Variants in NIPAL1 observed in about 807,000 individuals in gnomAD.
The protein encoded by NIPAL1 is magnesium transporter NIPA3.
A neutral mutation model predicts 37.7 loss-of-function variants in NIPAL1; 35 were observed. That is an observed-to-expected ratio of 0.93 (90% CI 0.71 to 1.23). The LOEUF (loss-of-function observed/expected upper bound fraction) is 1.23, where lower values mean the gene tolerates loss of function less well. Ranked by LOEUF, NIPAL1 falls within the 50% of genes most tolerant of loss-of-function variation. The pLI, the probability that NIPAL1 is intolerant of heterozygous loss-of-function variation, is 0.00. For missense variants in NIPAL1, 412 were observed against 473.9 expected (o/e 0.87, Z 1.21); for synonymous variants, 162 against 183.0 (o/e 0.89, Z 0.93).
At chr4:48,020,937 A>C (rs2109365301) in intron 1 of NIPAL1, among the ~76,000 whole-genome samples, 1 of 152,314 alleles carries the variant, frequency 6.6e-6, no homozygotes, top group African/African-American at 2.4e-5. Flanking sequence ...AAACTGGATA[A>C]TTTAAATTAT....
chr4:48,033,677 A>C (rs1259285796), intron 4 of NIPAL1, among the ~76,000 whole-genome samples: 2 of 152,202 alleles, frequency 1.3e-5, no homozygotes, highest in Admixed American at 1.3e-4. Context: ...GGAAACAGGA[A>C]TAATTTTCCT....
chr4:48,026,678 A>G (rs1487323337), intron 2 of NIPAL1, among the ~76,000 whole-genome samples: 1 of 152,158 alleles, frequency 6.6e-6, no homozygotes, highest in Non-Finnish European at 1.5e-5. Flanking sequence ...ACCATTCAGC[A>G]AAATACATTC....
intron 2 of NIPAL1, among the ~76,000 whole-genome samples, chr4:48,025,707 T>C (rs778110292): frequency 1.3e-5 from 2 of 152,176 alleles, no homozygotes; most frequent in Non-Finnish European, 2.9e-5. Context: ...AGAACACATG[T>C]ACAACTAAGA....
chr4:48,033,117 G>A, intron 4 of NIPAL1, 34 bp downstream of exon 4: 1 of 1,315,702 alleles, frequency 7.6e-7, no homozygotes, highest in South Asian at 1.2e-5. Flanking sequence ...GCTTCTGTAG[G>A]TATTTTAAGA....
In NIPAL1 at chr4:48,039,034, G is replaced by A. The variant is rs971235529; in HGVS notation, c.*2862G>A. 6 of 151,700 alleles carry A rather than the reference G, an allele frequency of 4.0e-5. No homozygotes were observed. Among genetic ancestry groups the A allele is most frequent in the African/African-American group, 1.2e-4 (5 of 41,180 alleles). The allele number at this position is 151,700 out of a possible 1,614,324, so 9.4% of individuals were successfully genotyped here. ...ATGCACATGCATTAAAAAAAAAAAT[G>A]TTGTTGCAAATCTAACACTAAAAAA... is the stretch of plus-strand genomic sequence containing the variant. On this transcript the variant is annotated 3_prime_UTR_variant, in exon 6 of 6. Coordinates refer to ENST00000295461, the MANE Select transcript of NIPAL1 (RefSeq NM_207330.3).
intron 1 of NIPAL1, 35 bp downstream of exon 1, chr4:48,016,920 C>T: frequency 6.4e-7 from 1 of 1,574,356 alleles, no homozygotes; most frequent in Non-Finnish European, 8.6e-7. Context: ...GACCTGGCAG[C>T]TGGGTGGCGA....
rs191248666 is a variant in NIPAL1 at position 48,017,615 on chromosome 4, C to T, written c.46+730C>T. 6.2e-3 allele frequency among the ~76,000 whole-genome samples: 950 copies of T among 152,302 alleles called. 2 individuals carry two copies. The highest frequency in any genetic ancestry group is 9.2e-3 in the Non-Finnish European group (627 of 68,028). The stretch of plus-strand genomic sequence containing the variant: ...AAATCTCTGGGCGAGGCTCCTTGCC[C>T]TTCGCCAAGTGTTCGCAACACTGGC... On this transcript the variant is annotated intron_variant, in intron 1 of 5. Coordinates refer to ENST00000295461, the MANE Select transcript of NIPAL1 (RefSeq NM_207330.3).
intron 1 of NIPAL1, among the ~76,000 whole-genome samples, chr4:48,021,304 G>A (rs879138695): frequency 9.8e-6 from 1 of 101,652 alleles, no homozygotes. Context: ...GAATCATTGA[G>A]TCAAAGTCCC....
At chr4:48,017,331 G>GC (rs1715447213) in intron 1 of NIPAL1, among the ~76,000 whole-genome samples, 1 of 152,128 alleles carries the variant, frequency 6.6e-6, no homozygotes, top group African/African-American at 2.4e-5. Context: ...TCTGCGCTGC[G>GC]CCCTGCGCTG....
chr4:48,021,298 C>T (rs914757506), intron 1 of NIPAL1, among the ~76,000 whole-genome samples: 9 of 113,736 alleles, frequency 7.9e-5, no homozygotes, highest in African/African-American at 2.8e-4. Context: ...ACTTTAGAAT[C>T]ATTGAGTCAA....
intron 3 of NIPAL1, among the ~76,000 whole-genome samples, chr4:48,030,593 G>C (rs998611234): frequency 3.3e-5 from 5 of 152,198 alleles, no homozygotes; most frequent in Non-Finnish European, 7.3e-5. Flanking sequence ...ACGGATAAGT[G>C]AAAGGCTTCT....
At chr4:48,017,775 C>G (rs1715471272) in intron 1 of NIPAL1, among the ~76,000 whole-genome samples, 1 of 151,974 alleles carries the variant, frequency 6.6e-6, no homozygotes, top group Admixed American at 6.6e-5. Flanking sequence ...TTTAATTTAC[C>G]TGATAATGCA....
rs953013898 is a variant in NIPAL1 at position 48,036,448 on chromosome 4, G to A, written c.*276G>A. ...GAATAATCTCCTTCTTCTGGTCACA[G>A]TATCTTTGTCTCTGCCAGGTGGCTC... is the stretch of plus-strand genomic sequence containing the variant. On this transcript the variant is annotated 3_prime_UTR_variant, in exon 6 of 6. Transcript: ENST00000295461. The A allele has an allele frequency of 5.4e-6, 2 of 370,900 alleles. No homozygotes were observed. Among genetic ancestry groups the A allele is most frequent in the South Asian group, 6.4e-5 (2 of 31,210 alleles). 23.0% of individuals were successfully genotyped at this position (370,900 alleles called of 1,614,324 possible). A position where few individuals can be genotyped will look rare whatever the true frequency, so the allele number is the denominator to read the frequency against.
intron 1 of NIPAL1, among the ~76,000 whole-genome samples, chr4:48,024,460 T>C (rs1715644925): frequency 6.6e-6 from 1 of 151,952 alleles, no homozygotes; most frequent in Admixed American, 6.6e-5. Context: ...TCAATTTTTT[T>C]TATGTAGATG....
chr4:48,034,997 A>G lies in NIPAL1; in HGVS notation c.578A>G (p.Glu193Gly), dbSNP rs558708062. Residue 193 changes from glutamate (E) to glycine (G), a missense_variant, in exon 5 of 6, where the codon GAA (glutamate) becomes GGA (glycine). Physicochemically the swap from Glu to Gly is moderately conservative, Grantham distance 98. Coordinates refer to ENST00000295461, the MANE Select transcript of NIPAL1 (RefSeq NM_207330.3). ...GTTATCCATGCCCCACAAGAAGAGG[A>G]AGTCACATCTTTGCATGAAATGGAA... ...VMVIHAPQEE[E>G]VTSLHEMEMK... 1.9e-6 allele frequency: 3 copies of G among 1,613,976 alleles called. No homozygotes were observed. Among genetic ancestry groups the G allele is most frequent in the Non-Finnish European group, 2.5e-6 (3 of 1,179,846 alleles).
chr4:48,025,240 A>C lies in NIPAL1; in HGVS notation c.219A>C (p.Val73=), dbSNP rs750959221. The part of the protein sequence containing the change: ...ENKYSLYVGL[V]LAVSSSIFIG... Reference sequence around the variant, plus strand: ...AATACAGTCTTTATGTGGGCTTGGTACTGGCAGTAAGCTCAAGTATTTTTA... The same window carrying C: ...AATACAGTCTTTATGTGGGCTTGGTCCTGGCAGTAAGCTCAAGTATTTTTA... The change falls in exon 2 of 6, where the codon GTA becomes GTC. Residue 73 remains valine (V), a synonymous_variant. Transcript: ENST00000295461. The C allele has an allele frequency of 3.7e-5, 59 of 1,614,020 alleles. No individual in the cohort carries two copies. Among genetic ancestry groups the C allele is most frequent in the Non-Finnish European group, 1.9e-5 (23 of 1,179,964 alleles).
At chr4:48,020,500 G>A (rs1290746402) in intron 1 of NIPAL1, among the ~76,000 whole-genome samples, 1 of 152,100 alleles carries the variant, frequency 6.6e-6, no homozygotes, top group Non-Finnish European at 1.5e-5. Flanking sequence ...GATCTAGATG[G>A]GGCTCACCTA....
intron 2 of NIPAL1, among the ~76,000 whole-genome samples, chr4:48,028,270 C>T (rs1715735734): frequency 6.6e-6 from 1 of 152,062 alleles, no homozygotes; most frequent in African/African-American, 2.4e-5. Flanking sequence ...GAAATAAAGC[C>T]AGATACCTAC....
rs563722989 is a variant in NIPAL1 at position 48,030,118 on chromosome 4, A to G, written c.314-2A>G. Reference sequence around the variant, plus strand: ...TGTTAATTTTTACTTTTTGTATTTTAGGACAAGGTGGACATTCTTACCTGA... The same window carrying G: ...TGTTAATTTTTACTTTTTGTATTTTGGGACAAGGTGGACATTCTTACCTGA... On this transcript the variant is annotated splice_acceptor_variant, in intron 2 of 5. Coordinates refer to ENST00000295461, the MANE Select transcript of NIPAL1 (RefSeq NM_207330.3). LOFTEE classifies it high-confidence loss of function. 4.4e-6 allele frequency: 7 copies of G among 1,596,150 alleles called. No homozygotes were observed. In the East Asian group the frequency reaches 1.6e-4, roughly 36 times the overall value.
Sources: gnomAD v4.1 joint callset for allele counts (sites outside exome capture counted in the v4.1 genomes callset) on GRCh38, gnomAD v4.1.1 for gene constraint, MANE v1.5 for transcripts, NCBI Gene and HGNC (gene_info 2026-07-23, HGNC 2026-07-21) for gene names.